The following ZC3H11A variants were observed in gnomAD, a reference collection of about 807,000 sequenced individuals.
The protein encoded by ZC3H11A is zinc finger CCCH-type containing 11A.
Under a neutral mutation model 90.8 loss-of-function variants are expected in ZC3H11A, and 22 were observed. The observed-to-expected ratio is 0.24, with a 90% CI of 0.17 to 0.35. ZC3H11A has a LOEUF of 0.35. Ranked by LOEUF, ZC3H11A falls within the 10% of genes least tolerant of loss-of-function variation. The probability of loss-of-function intolerance (pLI) is 1.00; values close to 1 mark genes in which losing one functional copy is unlikely to be tolerated. For synonymous variants in ZC3H11A, 294 were observed against 339.8 expected (o/e 0.87, Z 1.48); for missense variants, 701 against 964.9 (o/e 0.73, Z 3.62).
At chr1:203,796,402 C>G in intron 1 of ZC3H11A, 1 of 399,116 alleles carries the variant, frequency 2.5e-6, no homozygotes, top group Non-Finnish European at 4.4e-6. Context: ...ACCCCTGGCC[C>G]TCAGCGTCGG....
chr1:203,817,874 T>C (rs1355796531), intron 3 of ZC3H11A, among the ~76,000 whole-genome samples: 1 of 151,972 alleles, frequency 6.6e-6, no homozygotes, highest in Non-Finnish European at 1.5e-5. Context: ...TGCCTCAGCC[T>C]CCCAAGTAGC....
chr1:203,838,255 C>T lies in ZC3H11A; in HGVS notation c.973+191C>T, dbSNP rs118126477. 2.3e-4 allele frequency among the ~76,000 whole-genome samples: 35 copies of T among 152,186 alleles called. No individual in the cohort carries two copies. The East Asian group carries it at 5.8e-3, about 25-fold the overall frequency. The stretch of plus-strand genomic sequence containing the variant: ...GGGTAGACACCATTGAAAAAAACAC[C>T]GTCACACTCCTCAGGAGCTTATAGT... On this transcript the variant is annotated intron_variant, in intron 11 of 17. Transcript: ENST00000367210.
intron 2 of ZC3H11A, among the ~76,000 whole-genome samples, chr1:203,811,751 T>C (rs1051903708): frequency 6.7e-6 from 1 of 149,252 alleles, no homozygotes; most frequent in Non-Finnish European, 1.5e-5. Context: ...CTCAAATGAC[T>C]TTTTTTATTA....
chr1:203,806,998 C>A (rs1672633726), intron 2 of ZC3H11A, among the ~76,000 whole-genome samples: 1 of 151,554 alleles, frequency 6.6e-6, no homozygotes, highest in Non-Finnish European at 1.5e-5. Flanking sequence ...CTAATGTTAA[C>A]CCATTCCTAG....
chr1:203,828,110 G>C (rs935537752), intron 4 of ZC3H11A, among the ~76,000 whole-genome samples, 189 bp from the exon 5 acceptor site: 25 of 152,138 alleles, frequency 1.6e-4, no homozygotes, highest in African/African-American at 6.0e-4. Flanking sequence ...CTACTCTCCT[G>C]CTCCATTCAG....
In ZC3H11A at chr1:203,806,547, C is replaced by G. The variant is rs556273888; in HGVS notation, c.-146+3531C>G. On this transcript the variant is annotated intron_variant, in intron 2 of 17. Coordinates refer to ENST00000367210, the MANE Select transcript of ZC3H11A (RefSeq NM_001376342.1). ...TGAGCTCCTGGACTCAAGTGATCAG[C>G]CCACCTAGGCCTCCCAAAGTGCTGG... Among the ~76,000 whole-genome samples the G allele has an allele frequency of 3.9e-5, 6 of 152,258 alleles. No individual in the cohort carries two copies. In the East Asian group the frequency reaches 1.2e-3, roughly 29 times the overall value.
intron 1 of ZC3H11A, chr1:203,797,758 T>G: frequency 6.5e-7 from 1 of 1,535,632 alleles, no homozygotes; most frequent in South Asian, 1.2e-5. Context: ...CGAAAAAAAT[T>G]GATTCTTGCC....
At chr1:203,832,521 T>A (rs998948353) in intron 9 of ZC3H11A, among the ~76,000 whole-genome samples, 1 of 152,040 alleles carries the variant, frequency 6.6e-6, no homozygotes, top group Non-Finnish European at 1.5e-5. Context: ...CCACCACGCC[T>A]GGCTAATTTT....
intron 2 of ZC3H11A, among the ~76,000 whole-genome samples, chr1:203,808,924 G>A (rs576869689): frequency 6.6e-6 from 1 of 151,864 alleles, no homozygotes; most frequent in Non-Finnish European, 1.5e-5. Flanking sequence ...TCCACCTCCC[G>A]GGTTCAGGTG....
At chr1:203,833,756 CTAAGGATAG>C in intron 9 of ZC3H11A, 26 bp from the exon 10 acceptor site, 1 of 1,584,514 alleles carries the variant, frequency 6.3e-7, no homozygotes, top group Non-Finnish European at 8.6e-7. Flanking sequence ...GAAAAATTGA[CTAAGGATAG>C]AGAAATTCTG....
At chr1:203,798,718 C>A in intron 1 of ZC3H11A, 2 of 1,536,010 alleles carry the variant, frequency 1.3e-6, no homozygotes, top group African/African-American at 1.4e-5. Flanking sequence ...GAGAGAGAAA[C>A]AACATGTTGT....
chr1:203,810,049 G>A (rs76464772), intron 2 of ZC3H11A, among the ~76,000 whole-genome samples: 15,782 of 152,024 alleles, frequency 0.1, 1,108 homozygotes, highest in Non-Finnish European at 0.15. Flanking sequence ...TTATGGATGT[G>A]CATCTTTGTT....
rs150862432 is a variant in ZC3H11A at position 203,808,803 on chromosome 1, T to C, written c.-146+5787T>C. 1.9e-3 allele frequency among the ~76,000 whole-genome samples: 287 copies of C among 152,102 alleles called. 2 individuals carry two copies. Among genetic ancestry groups the C allele is most frequent in the African/African-American group, 6.5e-3 (272 of 41,542 alleles). On this transcript the variant is annotated intron_variant, in intron 2 of 17. Transcript: ENST00000367210. Reference sequence around the variant, plus strand: ...CGTCGTCGTCATCGCCATCTTCTTCTTTTTTTTCTTCATTATTATCATTAT... The same window carrying C: ...CGTCGTCGTCATCGCCATCTTCTTCCTTTTTTTCTTCATTATTATCATTAT...
At chr1:203,813,230 G>C (rs1293734078) in intron 2 of ZC3H11A, among the ~76,000 whole-genome samples, 2 of 151,060 alleles carry the variant, frequency 1.3e-5, no homozygotes, top group Non-Finnish European at 2.9e-5. Flanking sequence ...TTTTTGGATG[G>C]AGTTTTGCTC....
chr1:203,797,414 C>T (rs1668909877), intron 1 of ZC3H11A: 1 of 1,099,302 alleles, frequency 9.1e-7, no homozygotes, highest in African/African-American at 1.6e-5. Flanking sequence ...TTTGATTCCC[C>T]ATAGAAACTG....
At position 203,850,701 on chromosome 1, in the gene ZC3H11A, T is replaced by C. The variant is rs1394498157; in HGVS notation, c.2106+20T>C. On this transcript the variant is annotated intron_variant, in intron 16 of 17. Transcript: ENST00000367210. ...GCTGTGGTAAGAAGTATATTCACTT[T>C]GTGGTGCTTTATTCTGTGTGGTAGG... 1.2e-6 allele frequency: 2 copies of C among 1,608,884 alleles called. No homozygotes were observed. The highest frequency in any genetic ancestry group is 2.7e-5 in the African/African-American group (2 of 74,800).
At chr1:203,844,759 A>G (rs1161489435) in intron 12 of ZC3H11A, among the ~76,000 whole-genome samples, 1 of 152,136 alleles carries the variant, frequency 6.6e-6, no homozygotes, top group Non-Finnish European at 1.5e-5. Flanking sequence ...TACAATTGCC[A>G]CAGTAAGACT....
rs112062158 is a variant in ZC3H11A at position 203,833,333 on chromosome 1, C to T, written c.812-458C>T. On this transcript the variant is annotated intron_variant, in intron 9 of 17. Coordinates refer to ENST00000367210, the MANE Select transcript of ZC3H11A (RefSeq NM_001376342.1). ...TGAGCCGAGATCGGGCCACTGCACT[C>T]TAGCCTGGGCGACAGAGTGAGACTC... 2.1e-5 allele frequency among the ~76,000 whole-genome samples: 3 copies of T among 141,482 alleles called. No individual in the cohort carries two copies. The Admixed American group carries it at 2.3e-4, about 11-fold the overall frequency. 92.8% of individuals were successfully genotyped at this position (141,482 alleles called of 152,430 possible). A position where few individuals can be genotyped will look rare whatever the true frequency, so the allele number is the denominator to read the frequency against.
intron 7 of ZC3H11A, 91 bp downstream of exon 7, chr1:203,829,987 C>A: frequency 7.2e-7 from 1 of 1,382,734 alleles, no homozygotes; most frequent in Non-Finnish European, 1.0e-6. Context: ...TCTTCTTTTT[C>A]CCATGCTACA....
Sources: gnomAD v4.1 joint callset for allele counts (sites outside exome capture counted in the v4.1 genomes callset) on GRCh38, gnomAD v4.1.1 for gene constraint, MANE v1.5 for transcripts, NCBI Gene and HGNC (gene_info 2026-07-23, HGNC 2026-07-21) for gene names.